PRKCB: variants seen among roughly 807,000 people sequenced by gnomAD.
PRKCB encodes protein kinase C beta, also known as protein kinase C beta type.
Under a neutral mutation model 81.5 loss-of-function variants are expected in PRKCB, and 13 were observed. The ratio of observed to expected loss-of-function variants is 0.16; its 90% confidence interval spans 0.10 to 0.25. The LOEUF (loss-of-function observed/expected upper bound fraction) is 0.25, where lower values mean the gene tolerates loss of function less well. Ranked by LOEUF, PRKCB falls within the 10% of genes least tolerant of loss-of-function variation. The pLI, the probability that PRKCB is intolerant of heterozygous loss-of-function variation, is 1.00. For synonymous variants in PRKCB, 335 were observed against 321.4 expected, an observed-to-expected ratio of 1.04 and a Z score of -0.45; for missense variants, 509 against 875.7, an observed-to-expected ratio of 0.58 and a Z score of 5.29.
intron 16 of PRKCB, among the ~76,000 whole-genome samples, chr16:24,197,367 A>G (rs1246071172): frequency 6.6e-6 from 1 of 152,048 alleles, no homozygotes; most frequent in East Asian, 1.9e-4. Flanking sequence ...AGCCATGTAT[A>G]TATCTGGGTG....
chr16:24,162,253 G>A (rs966057917), intron 10 of PRKCB, among the ~76,000 whole-genome samples: 1 of 151,908 alleles, frequency 6.6e-6, no homozygotes, highest in African/African-American at 2.4e-5. Context: ...ATGTCCCAGG[G>A]GTCCTGGTAA....
At chr16:24,017,951 T>C (rs1965304365) in intron 3 of PRKCB, among the ~76,000 whole-genome samples, 1 of 144,224 alleles carries the variant, frequency 6.9e-6, no homozygotes, top group Non-Finnish European at 1.5e-5. Flanking sequence ...CAGGCTGGAG[T>C]GCAGCGGTGC....
intron 16 of PRKCB, among the ~76,000 whole-genome samples, chr16:24,214,272 C>T (rs1401617955): frequency 1.3e-5 from 2 of 152,104 alleles, no homozygotes; most frequent in Admixed American, 6.5e-5. Flanking sequence ...CCACCTGAAA[C>T]ATCTCAGGTG....
Position 24,219,702 on chromosome 16 carries a change from A to ACC in PRKCB, c.*4887_*4888dup. On this transcript the variant is annotated 3_prime_UTR_variant, in exon 17 of 17. Coordinates refer to ENST00000643927, the MANE Select transcript of PRKCB (RefSeq NM_002738.7). ...CACACACACACACACACACACACAC[A>ACC]CCACTTTATGGCAATTCTTAACTGA... is the stretch of plus-strand genomic sequence containing the variant. The ACC allele has an allele frequency of 7.9e-7, 1 of 1,265,022 alleles. No individual in the cohort carries two copies. The highest frequency in any genetic ancestry group is 1.0e-6 in the Non-Finnish European group (1 of 998,850). 78.4% of individuals were successfully genotyped at this position (1,265,022 alleles called of 1,614,324 possible).
Position 24,219,966 on chromosome 16 carries a change from CAA to C in PRKCB, c.*5151_*5152del, listed in dbSNP as rs1567417969. 2 of 1,613,984 alleles carry C rather than the reference CAA, an allele frequency of 1.2e-6. No homozygotes were observed. Among genetic ancestry groups the C allele is most frequent in the Non-Finnish European group, 1.7e-6 (2 of 1,179,952 alleles). On this transcript the variant is annotated 3_prime_UTR_variant, in exon 17 of 17. Coordinates refer to ENST00000643927, the MANE Select transcript of PRKCB (RefSeq NM_002738.7). The stretch of plus-strand genomic sequence containing the variant: ...GTTTACTTTCCATTTGGCAGAGAGA[CAA>C]GAGAGACACCTCCAACTTCGACAAA...
intron 2 of PRKCB, among the ~76,000 whole-genome samples, chr16:23,898,835 T>G (rs2141122136): frequency 6.6e-6 from 1 of 152,214 alleles, no homozygotes; most frequent in East Asian, 1.9e-4. Context: ...AACTGTGTGG[T>G]TTTGATCAAA....
chr16:23,969,691 A>G (rs868619091), intron 2 of PRKCB, among the ~76,000 whole-genome samples: 1 of 152,190 alleles, frequency 6.6e-6, no homozygotes, highest in Non-Finnish European at 1.5e-5. Flanking sequence ...CATCATTATC[A>G]TCATCATCGT....
intron 3 of PRKCB, among the ~76,000 whole-genome samples, chr16:23,999,444 A>G (rs755694580): frequency 5.9e-5 from 9 of 152,220 alleles, no homozygotes; most frequent in African/African-American, 9.6e-5. Flanking sequence ...AGGCAATTTT[A>G]TGAACCAGGC....
At chr16:24,169,435 C>T (rs1010389449) in intron 10 of PRKCB, among the ~76,000 whole-genome samples, 1 of 152,164 alleles carries the variant, frequency 6.6e-6, no homozygotes, top group African/African-American at 2.4e-5. Flanking sequence ...CGTGACCTTA[C>T]ATGATGCGTC....
intron 2 of PRKCB, among the ~76,000 whole-genome samples, chr16:23,957,885 C>T (rs569984214): frequency 2.6e-5 from 4 of 152,330 alleles, no homozygotes; most frequent in Admixed American, 6.5e-5. Flanking sequence ...TAACCTCACA[C>T]AGCTCTATAT....
chr16:24,144,645 AAGAT>A (rs1229242293), intron 9 of PRKCB, among the ~76,000 whole-genome samples: 2 of 152,208 alleles, frequency 1.3e-5, no homozygotes, highest in Non-Finnish European at 2.9e-5. Context: ...TAATTTACAG[AAGAT>A]TCACTTGTTT....
intron 8 of PRKCB, among the ~76,000 whole-genome samples, chr16:24,116,118 G>T (rs1219831832): frequency 6.6e-6 from 1 of 152,142 alleles, no homozygotes; most frequent in Non-Finnish European, 1.5e-5. Flanking sequence ...GAGTTCTAGG[G>T]CTCTAAATTG....
chr16:24,076,408 G>A (rs1966178085), intron 5 of PRKCB, among the ~76,000 whole-genome samples: 1 of 152,178 alleles, frequency 6.6e-6, no homozygotes, highest in African/African-American at 2.4e-5. Flanking sequence ...GGCCTTATCT[G>A]CTTCTTCATC....
At chr16:24,213,523 G>T (rs932504989) in intron 16 of PRKCB, among the ~76,000 whole-genome samples, 1 of 152,166 alleles carries the variant, frequency 6.6e-6, no homozygotes, top group Admixed American at 6.5e-5. Flanking sequence ...ATTAAATAAG[G>T]TAATGCAAGT....
intron 9 of PRKCB, among the ~76,000 whole-genome samples, chr16:24,125,753 T>C (rs1274689401): frequency 3.9e-5 from 6 of 152,186 alleles, no homozygotes; most frequent in Admixed American, 3.9e-4. Context: ...ATTGAATGCG[T>C]GGATTCTCTC....
chr16:23,998,408 G>A lies in PRKCB; in HGVS notation c.288+9818G>A, dbSNP rs566009577. 1.6e-4 allele frequency among the ~76,000 whole-genome samples: 24 copies of A among 152,188 alleles called. No homozygotes were observed. The East Asian group carries it at 2.7e-3, about 17-fold the overall frequency. Reference sequence around the variant, plus strand: ...CTGACTAATACATTGTGCCTACACCGTAGATGAGGGCGTGAGTGCCCCTTC... The same window carrying A: ...CTGACTAATACATTGTGCCTACACCATAGATGAGGGCGTGAGTGCCCCTTC... On this transcript the variant is annotated intron_variant, in intron 3 of 16. Coordinates refer to ENST00000643927, the MANE Select transcript of PRKCB (RefSeq NM_002738.7).
chr16:24,076,217 A>G (rs552935943), intron 5 of PRKCB, among the ~76,000 whole-genome samples: 1 of 152,294 alleles, frequency 6.6e-6, no homozygotes, highest in East Asian at 1.9e-4. Context: ...GGAGCATGTG[A>G]AAAGCCTTAT....
chr16:24,101,379 C>G (rs1202654937), intron 7 of PRKCB, among the ~76,000 whole-genome samples: 1 of 152,080 alleles, frequency 6.6e-6, no homozygotes, highest in Non-Finnish European at 1.5e-5. Flanking sequence ...GATCCTGTCT[C>G]AACAAAAAAT....
intron 16 of PRKCB, among the ~76,000 whole-genome samples, chr16:24,197,374 G>C (rs1271028017): frequency 6.6e-6 from 1 of 152,090 alleles, no homozygotes; most frequent in Admixed American, 6.5e-5. Context: ...TATATATCTG[G>C]GTGAGGGGGG....
Sources: allele counts gnomAD v4.1 joint callset (sites outside exome capture counted in the v4.1 genomes callset), GRCh38; gene constraint gnomAD v4.1.1; transcripts MANE v1.5; gene names NCBI Gene and HGNC (gene_info 2026-07-23, HGNC 2026-07-21).